The following ANKLE2 variants were observed in gnomAD, a reference collection of about 807,000 sequenced individuals.
ANKLE2 encodes the protein ankyrin repeat and LEM domain containing 2, also known as ankyrin repeat and LEM domain-containing protein 2.
Under a neutral mutation model 84.2 loss-of-function variants are expected in ANKLE2, and 55 were observed. The ratio of observed to expected loss-of-function variants is 0.65; its 90% CI spans 0.53 to 0.82. The LOEUF is 0.82. Ranked by LOEUF, ANKLE2 falls within the 40% of genes least tolerant of loss-of-function variation. The pLI, the probability that ANKLE2 is intolerant of heterozygous loss-of-function variation, is 0.00. For synonymous variants in ANKLE2, 551 were observed against 486.1 expected (o/e 1.13, Z -1.76); for missense variants, 1,238 against 1,201.9 (o/e 1.03, Z -0.44).
Position 132,730,095 on chromosome 12 carries a change from G to C in ANKLE2, c.2067C>G (p.Ala689=), listed in dbSNP as rs369709746. 2.5e-6 allele frequency: 4 copies of C among 1,612,410 alleles called. No individual in the cohort carries two copies. The highest frequency in any genetic ancestry group is 3.4e-6 in the Non-Finnish European group (4 of 1,179,628). ...TGCTGCTGTGTGGACCTCCCGGCTC[G>C]GCGGCTTCTATGAGGTCTGCCTCCT... ...LEQEADLIEA[A]EPGGPHSSRN... The change falls in exon 11 of 13, where the codon GCC becomes GCG. Residue 689 remains alanine, a synonymous_variant. Coordinates refer to ENST00000357997, the MANE Select transcript of ANKLE2 (RefSeq NM_015114.3).
intron 7 of ANKLE2, 107 bp from the exon 8 acceptor site, chr12:132,737,172 T>A: frequency 8.1e-7 from 1 of 1,240,168 alleles, no homozygotes; most frequent in East Asian, 2.5e-5. Context: ...CCTCTGCAAA[T>A]GGATCCAACA....
intron 2 of ANKLE2, among the ~76,000 whole-genome samples, chr12:132,751,574 A>G (rs1593176261): frequency 1.4e-5 from 2 of 145,294 alleles, no homozygotes; most frequent in African/African-American, 5.2e-5. Context: ...ATGGAGTCTC[A>G]CTCAGCTGCC....
In ANKLE2 at chr12:132,743,068, T is replaced by C. The variant is rs1307398312; in HGVS notation, c.1353+86A>G. 1.5e-6 allele frequency: 2 copies of C among 1,335,150 alleles called. No homozygotes were observed. Among genetic ancestry groups the C allele is most frequent in the Non-Finnish European group, 2.0e-6 (2 of 995,680 alleles). The allele number at this position is 1,335,150 out of a possible 1,614,324, so 82.7% of individuals were successfully genotyped here. On this transcript the variant is annotated intron_variant, in intron 6 of 12. Transcript: ENST00000357997. The surrounding 1 kb of genome is among the most constrained non-coding windows in gnomAD (Gnocchi z 4.1). ...CAACTCATACAGAGCTCCTTGTGGCTTCCCTGTGCCTGTGATCACAGACTG... is the reference window on the plus strand; with the variant it reads ...CAACTCATACAGAGCTCCTTGTGGCCTCCCTGTGCCTGTGATCACAGACTG...
chr12:132,732,912 C>G (rs1254722012), intron 10 of ANKLE2, among the ~76,000 whole-genome samples: 5 of 138,576 alleles, frequency 3.6e-5, no homozygotes, highest in East Asian at 2.1e-4. Context: ...GTGAAGCGCT[C>G]TGCATCCTGG....
In ANKLE2 at chr12:132,743,128, G is replaced by C. The variant is rs1566024734; in HGVS notation, c.1353+26C>G. ...ATATTTCCATTTCTAACTCTAGATAGCAACTGCATTGTAATAAGTACTTAC... is the reference window on the plus strand; with the variant it reads ...ATATTTCCATTTCTAACTCTAGATACCAACTGCATTGTAATAAGTACTTAC... On this transcript the variant is annotated intron_variant, in intron 6 of 12. Transcript: ENST00000357997. The surrounding 1 kb of genome is among the most constrained non-coding windows in gnomAD (Gnocchi z 4.1). 1 of 1,563,546 alleles carries C rather than the reference G, an allele frequency of 6.4e-7. No individual in the cohort carries two copies. The highest frequency in any genetic ancestry group is 1.9e-5 in the Admixed American group (1 of 53,580).
chr12:132,736,320 A>T (rs1265828056), intron 8 of ANKLE2, among the ~76,000 whole-genome samples: 1 of 152,214 alleles, frequency 6.6e-6, no homozygotes, highest in African/African-American at 2.4e-5. Flanking sequence ...TCAGTGTGTG[A>T]AGTATTCCAA....
intron 5 of ANKLE2, among the ~76,000 whole-genome samples, chr12:132,747,540 G>A (rs2044264488): frequency 6.6e-6 from 1 of 152,188 alleles, no homozygotes; most frequent in Admixed American, 6.5e-5. Flanking sequence ...TCAGCTCAAG[G>A]TGTCCTGTTC....
At chr12:132,737,161 G>C (rs1296128055) in intron 7 of ANKLE2, 96 bp from the exon 8 acceptor site, 12 of 1,371,094 alleles carry the variant, frequency 8.8e-6, no homozygotes, top group Non-Finnish European at 9.8e-6. Context: ...CCTTGCCAAG[G>C]CCTCTGCAAA....
At chr12:132,760,621 T>C (rs1370647466) in intron 1 of ANKLE2, 1 of 152,180 alleles carries the variant, frequency 6.6e-6, no homozygotes, top group African/African-American at 2.4e-5. Context: ...GTATAAAGGA[T>C]TACAAAGAAT....
At chr12:132,749,637 G>T (rs1043553065) in intron 3 of ANKLE2, among the ~76,000 whole-genome samples, 1 of 152,234 alleles carries the variant, frequency 6.6e-6, no homozygotes, top group African/African-American at 2.4e-5. Context: ...GCCCGCCAGG[G>T]AAGCCCAGAC....
At chr12:132,730,414 G>A in intron 10 of ANKLE2, 144 bp from the exon 11 acceptor site, 1 of 250,764 alleles carries the variant, frequency 4.0e-6, no homozygotes, top group South Asian at 6.9e-5. Context: ...GCGACCAACT[G>A]CCGTGACCCC....
rs2043689192 is a variant in ANKLE2, at chr12:132,725,798, T to C, written c.*1444A>G. ...ATTTCTTTTGAGAACCAAGGTGCCTTTTAAAATGCGGCTTTTTAGAATAGC... is the reference window on the plus strand; with the variant it reads ...ATTTCTTTTGAGAACCAAGGTGCCTCTTAAAATGCGGCTTTTTAGAATAGC... On this transcript the variant is annotated 3_prime_UTR_variant, in exon 13 of 13. Coordinates refer to ENST00000357997, the MANE Select transcript of ANKLE2 (RefSeq NM_015114.3). 1 of 152,254 alleles carries C rather than the reference T, an allele frequency of 6.6e-6. No individual in the cohort carries two copies. Among genetic ancestry groups the C allele is most frequent in the Non-Finnish European group, 1.5e-5 (1 of 68,044 alleles). The allele number at this position is 152,254 out of a possible 1,614,324, so 9.4% of individuals were successfully genotyped here.
intron 1 of ANKLE2, chr12:132,759,149 C>T (rs1215846323): frequency 4.3e-5 from 2 of 46,014 alleles, no homozygotes. Flanking sequence ...ACCCACGTGG[C>T]AGAGAGGATC....
rs201330179 is a variant in ANKLE2 at position 132,734,469 on chromosome 12, G to T, written c.1807C>A (p.Leu603Ile). The change falls in exon 10 of 13, where the codon CTC becomes ATC. Residue 603 changes from leucine to isoleucine, a missense_variant. Transcript: ENST00000357997. ...QEGLQRLEEY[L>I]TQQEIGKKAQ... ...TTTTTGCCTATTTCCTGCTGTGTGA[G>T]ATATTCTTCTAGTCTTTGCAGGCCT... is the stretch of plus-strand genomic sequence containing the variant. The T allele has an allele frequency of 6.2e-7, 1 of 1,614,112 alleles. No homozygotes were observed. Among genetic ancestry groups the T allele is most frequent in the Admixed American group, 1.7e-5 (1 of 59,998 alleles).
chr12:132,741,223 A>G (rs2044115621), intron 7 of ANKLE2, among the ~76,000 whole-genome samples, 196 bp downstream of exon 7: 1 of 152,234 alleles, frequency 6.6e-6, no homozygotes, highest in South Asian at 2.1e-4. Flanking sequence ...ACTTCAGAGA[A>G]GGGATAACAG....
chr12:132,749,898 G>A (rs2044320757), intron 3 of ANKLE2, among the ~76,000 whole-genome samples: 1 of 152,208 alleles, frequency 6.6e-6, no homozygotes. Flanking sequence ...AAAAGGCGCA[G>A]GGGCTCACGC....
chr12:132,748,882 T>TATATATATATATATATATAC (rs1380526374), intron 3 of ANKLE2: 66 of 148,584 alleles, frequency 4.4e-4, no homozygotes, highest in East Asian at 3.4e-3. Flanking sequence ...TATATATATA[T>TATATATATATATATATATAC]ACACACGTAT....
At position 132,761,686 on chromosome 12, in the gene ANKLE2, C is replaced by A; in HGVS notation, c.113G>T (p.Arg38Leu). 1 of 1,344,452 alleles carries A rather than the reference C, an allele frequency of 7.4e-7. No homozygotes were observed. The highest frequency in any genetic ancestry group is 9.6e-7 in the Non-Finnish European group (1 of 1,041,162). The allele number at this position is 1,344,452 out of a possible 1,614,324, so 83.3% of individuals were successfully genotyped here. A position where few individuals can be genotyped will look rare whatever the true frequency, so the allele number is the denominator to read the frequency against. ...CCCGCTGCGGCCCAGACCTCCCGGCCGCGGGCCCAGCCGCCGCACCAGCCA... is the reference window on the plus strand; with the variant it reads ...CCCGCTGCGGCCCAGACCTCCCGGCAGCGGGCCCAGCCGCCGCACCAGCCA... ...VRWLVRRLGP[R>L]PGGLGRSGTP... The change falls in exon 1 of 13, where the codon CGG (arginine) becomes CTG (leucine). Residue 38 changes from arginine (R) to leucine (L), a missense_variant. Coordinates refer to ENST00000357997, the MANE Select transcript of ANKLE2 (RefSeq NM_015114.3).
intron 7 of ANKLE2, among the ~76,000 whole-genome samples, chr12:132,739,795 G>A (rs1468254371): frequency 3.9e-5 from 6 of 152,224 alleles, no homozygotes; most frequent in Admixed American, 6.5e-5. Flanking sequence ...CAACGTGACC[G>A]AGGCCCCAGC....
Sources: allele counts gnomAD v4.1 joint callset (sites outside exome capture counted in the v4.1 genomes callset), GRCh38; gene constraint gnomAD v4.1.1; non-coding constraint Gnocchi (gnomAD v3.1); transcripts MANE v1.5; gene names NCBI Gene and HGNC (gene_info 2026-07-23, HGNC 2026-07-21).